DNAJC27: variants seen among roughly 807,000 people sequenced by gnomAD.
The protein encoded by DNAJC27 is DnaJ heat shock protein family (Hsp40) member C27.
In DNAJC27, 25 loss-of-function variants were observed where a neutral mutation model predicts 31.4. That is an observed-to-expected ratio of 0.80 (90% CI 0.58 to 1.11). DNAJC27 has a LOEUF of 1.11. Ranked by LOEUF, DNAJC27 falls within the 50% of genes most tolerant of loss-of-function variation. DNAJC27 has a pLI of 0.00. For missense variants in DNAJC27, 356 were observed against 347.3 expected, an observed-to-expected ratio of 1.02 and a Z score of -0.20; for synonymous variants, 106 against 112.7, an observed-to-expected ratio of 0.94 and a Z score of 0.37.
chr2:24,970,827 C>T (rs1157286212), intron 1 of DNAJC27, among the ~76,000 whole-genome samples: 2 of 152,024 alleles, frequency 1.3e-5, no homozygotes, highest in Non-Finnish European at 2.9e-5. Context: ...GAATACTATG[C>T]TAGCACATAC....
intron 2 of DNAJC27, 26 bp from the exon 3 acceptor site, chr2:24,963,500 C>G (rs980886471): frequency 6.3e-7 from 1 of 1,581,554 alleles, no homozygotes; most frequent in Non-Finnish European, 8.7e-7. Flanking sequence ...GGAAACAATC[C>G]GAAAGAAAGT....
intron 5 of DNAJC27, among the ~76,000 whole-genome samples, chr2:24,953,203 T>C (rs1233309756): frequency 6.6e-6 from 1 of 152,236 alleles, no homozygotes; most frequent in African/African-American, 2.4e-5. Context: ...TTAAAAATCT[T>C]TTCCTCTTCT....
intron 5 of DNAJC27, among the ~76,000 whole-genome samples, chr2:24,953,233 T>A (rs899417892): frequency 2.6e-5 from 4 of 152,232 alleles, no homozygotes; most frequent in Non-Finnish European, 5.9e-5. Flanking sequence ...TCTTTTATAG[T>A]TCCTGTTATC....
At chr2:24,969,986 T>C in intron 1 of DNAJC27, among the ~76,000 whole-genome samples, 1 of 152,374 alleles carries the variant, frequency 6.6e-6, no homozygotes, top group South Asian at 2.1e-4. Context: ...TACAATATTG[T>C]GTAATCCCAC....
rs1410526948 is a variant in DNAJC27, at chr2:24,944,898, G to A, written c.*2718C>T. ...TTGGTGACTCAGATGTTGAAGACATGGCTTTTCTTTAATAATAGCTATTCA... is the reference window on the plus strand; with the variant it reads ...TTGGTGACTCAGATGTTGAAGACATAGCTTTTCTTTAATAATAGCTATTCA... On this transcript the variant is annotated 3_prime_UTR_variant, in exon 7 of 7. Coordinates refer to ENST00000264711, the MANE Select transcript of DNAJC27 (RefSeq NM_016544.3). The A allele has an allele frequency of 6.6e-6, 1 of 152,598 alleles. No homozygotes were observed. Among genetic ancestry groups the A allele is most frequent in the Admixed American group, 6.5e-5 (1 of 15,276 alleles). 9.5% of individuals were successfully genotyped at this position (152,598 alleles called of 1,614,324 possible). A position where few individuals can be genotyped will look rare whatever the true frequency, so the allele number is the denominator to read the frequency against.
intron 6 of DNAJC27, among the ~76,000 whole-genome samples, chr2:24,948,279 A>T (rs990182632): frequency 2.6e-5 from 4 of 152,190 alleles, no homozygotes; most frequent in Non-Finnish European, 4.4e-5. Context: ...TGAAGTTAGG[A>T]TACAGGAGGT....
At chr2:24,957,367 A>T (rs1486600826) in intron 4 of DNAJC27, among the ~76,000 whole-genome samples, 1 of 152,196 alleles carries the variant, frequency 6.6e-6, no homozygotes, top group Non-Finnish European at 1.5e-5. Flanking sequence ...TGGCAACAGG[A>T]CTAGTGCCTG....
Position 24,971,919 on chromosome 2 carries a change from C to T in DNAJC27, c.-15G>A, listed in dbSNP as rs921000240. 1.3e-6 allele frequency: 2 copies of T among 1,554,986 alleles called. No homozygotes were observed. The highest frequency in any genetic ancestry group is 1.9e-5 in the Admixed American group (1 of 52,560). ...TTGGCCTCCATGGCCCTGGCTCTCT[C>T]GGGGCCACCCGCCTCGGTCTCTTCT... On this transcript the variant is annotated 5_prime_UTR_variant, in exon 1 of 7. Coordinates refer to ENST00000264711, the MANE Select transcript of DNAJC27 (RefSeq NM_016544.3).
chr2:24,951,275 T>A (rs965797906), intron 6 of DNAJC27, 119 bp downstream of exon 6: 65 of 1,063,738 alleles, frequency 6.1e-5, no homozygotes, highest in Non-Finnish European at 8.0e-5. Flanking sequence ...CATTCTAATA[T>A]ATTTTCATAC....
chr2:24,969,342 C>T (rs1401584828), intron 1 of DNAJC27: 2 of 158,690 alleles, frequency 1.3e-5, no homozygotes, highest in Non-Finnish European at 2.8e-5. Context: ...AGATGGGGGT[C>T]TACTTTTATA....
rs753741630 is a variant in DNAJC27, at chr2:24,957,146, C to T, written c.425G>A (p.Arg142His). 13 of 1,604,392 alleles carry T rather than the reference C, an allele frequency of 8.1e-6. No homozygotes were observed. The highest frequency in any genetic ancestry group is 4.5e-5 in the South Asian group (4 of 89,470). The change falls in exon 5 of 7, where the codon CGC (arginine) becomes CAC (histidine). Residue 142 changes from arginine (R) to histidine (H), a missense_variant. Physicochemically the swap from Arg to His is conservative, Grantham distance 29. Transcript: ENST00000264711. ...CANKIDCTKHRCVDESEGRLW... is the reference protein window; with the variant it reads ...CANKIDCTKHHCVDESEGRLW... ...ACGTCCTTCACTTTCATCTACACAG[C>T]GATGTTTGGTACAATCAATCTGAAA...
intron 1 of DNAJC27, chr2:24,971,548 C>T: frequency 3.3e-6 from 1 of 307,136 alleles, no homozygotes; most frequent in East Asian, 5.5e-5. Context: ...GGACCCAGGC[C>T]TTCTTACTCT....
At chr2:24,966,484 G>A (rs1666185454) in intron 2 of DNAJC27, among the ~76,000 whole-genome samples, 1 of 150,712 alleles carries the variant, frequency 6.6e-6, no homozygotes, top group South Asian at 2.1e-4. Context: ...TTTTTGTGAT[G>A]AAGTCTCACT....
chr2:24,958,854 A>G (rs2149126165), intron 3 of DNAJC27, among the ~76,000 whole-genome samples: 1 of 152,328 alleles, frequency 6.6e-6, no homozygotes, highest in Middle Eastern at 3.4e-3. Flanking sequence ...TCCGGGACAA[A>G]GTTCCAGAAA....
At chr2:24,969,433 T>C (rs926550409) in intron 1 of DNAJC27, 5 of 190,170 alleles carry the variant, frequency 2.6e-5, no homozygotes, top group African/African-American at 4.8e-5. Flanking sequence ...AAGGAAAATC[T>C]TTCTGGTGGA....
At chr2:24,969,864 A>C (rs1306444995) in intron 1 of DNAJC27, among the ~76,000 whole-genome samples, 1 of 152,064 alleles carries the variant, frequency 6.6e-6, no homozygotes, top group Non-Finnish European at 1.5e-5. Flanking sequence ...TTTTCACATT[A>C]ATTTTTCATG....
At chr2:24,968,475 A>G (rs1666243230) in intron 1 of DNAJC27, among the ~76,000 whole-genome samples, 1 of 151,796 alleles carries the variant, frequency 6.6e-6, no homozygotes, top group African/African-American at 2.4e-5. Flanking sequence ...TAAATCTTTT[A>G]TCCATCTAGA....
intron 2 of DNAJC27, among the ~76,000 whole-genome samples, chr2:24,966,871 C>T (rs1666197276): frequency 6.6e-6 from 1 of 152,182 alleles, no homozygotes. Flanking sequence ...TTTCAAAATG[C>T]TCTAAAAACA....
chr2:24,965,067 G>A (rs574007213), intron 2 of DNAJC27, among the ~76,000 whole-genome samples: 5 of 151,628 alleles, frequency 3.3e-5, no homozygotes, highest in Non-Finnish European at 4.4e-5. Flanking sequence ...TTAGCTGGGC[G>A]TGGTGACATG....
Sources: gnomAD v4.1 joint callset for allele counts (sites outside exome capture counted in the v4.1 genomes callset) on GRCh38, gnomAD v4.1.1 for gene constraint, MANE v1.5 for transcripts, NCBI Gene and HGNC (gene_info 2026-07-23, HGNC 2026-07-21) for gene names.